RARB: variants seen among roughly 807,000 people sequenced by gnomAD.
RARB encodes the protein retinoic acid receptor beta.
A neutral mutation model predicts 51.9 loss-of-function variants in RARB; 17 were observed. The observed-to-expected ratio is 0.33, with a 90% CI of 0.22 to 0.49. The LOEUF is 0.49. RARB is among the 20% of genes least tolerant of loss of function. RARB has a pLI of 0.99. For missense variants in RARB, 369 were observed against 550.8 expected (o/e 0.67, Z 3.30); for synonymous variants, 215 against 195.4 (o/e 1.10, Z -0.84).
intron 5 of RARB, among the ~76,000 whole-genome samples, chr3:25,369,190 G>GA (rs1306209170): frequency 6.6e-6 from 1 of 152,134 alleles, no homozygotes; most frequent in African/African-American, 2.4e-5. Flanking sequence ...TTATAGTGTT[G>GA]AAAATGTTTT....
intron 5 of RARB, among the ~76,000 whole-genome samples, chr3:25,408,386 G>A (rs1707471374): frequency 6.6e-6 from 1 of 151,996 alleles, no homozygotes; most frequent in African/African-American, 2.4e-5. Flanking sequence ...TGGCCAAGCA[G>A]GAGAGAGAAA....
At chr3:24,837,311 T>A (rs7615376) in intron 1 of RARB, among the ~76,000 whole-genome samples, 3,424 of 152,310 alleles carry the variant, frequency 0.022, 130 homozygotes, top group African/African-American at 0.078. Flanking sequence ...AGTCTTGTCT[T>A]CTTTAAGATT....
At chr3:25,256,926 A>C (rs926369278) in intron 5 of RARB, among the ~76,000 whole-genome samples, 2 of 152,134 alleles carry the variant, frequency 1.3e-5, no homozygotes, top group African/African-American at 4.8e-5. Context: ...AACATCATCA[A>C]GAACTTGGAA....
rs562806078 is a variant in RARB at position 25,325,277 on chromosome 3, G to A, written c.179-135916G>A. On this transcript the variant is annotated intron_variant, in intron 5 of 11. Coordinates refer to the RARB transcript ENST00000383772. ...CATGCTAATACATTATAATTTGCGT[G>A]TAATGAGCAGTGACGACAACCAGAG... Among the ~76,000 whole-genome samples the A allele has an allele frequency of 7.2e-5, 11 of 152,262 alleles. No individual in the cohort carries two copies. The South Asian group carries it at 2.1e-3, about 29-fold the overall frequency.
chr3:25,289,252 C>T (rs773388340), intron 5 of RARB, among the ~76,000 whole-genome samples: 30 of 152,178 alleles, frequency 2.0e-4, no homozygotes, highest in Admixed American at 5.2e-4. Flanking sequence ...ACCTCCCTCA[C>T]GGGGATGCTG....
Position 25,041,907 on chromosome 3 carries a change from A to G in RARB, c.-379-18218A>G, listed in dbSNP as rs146157720. Among the ~76,000 whole-genome samples the G allele has an allele frequency of 4.2e-3, 642 of 152,294 alleles. 10 individuals carry two copies. The highest frequency in any genetic ancestry group is 0.032 in the South Asian group (153 of 4,830). On this transcript the variant is annotated intron_variant, in intron 2 of 11. Transcript: ENST00000383772. ...TAGCATCCATGGAACATGAGAATGTAAAATACTGAAAAGGAAGGACTGAAT... is the reference window on the plus strand; with the variant it reads ...TAGCATCCATGGAACATGAGAATGTGAAATACTGAAAAGGAAGGACTGAAT...
chr3:24,900,202 G>A (rs1326065891), intron 2 of RARB, among the ~76,000 whole-genome samples: 4 of 152,162 alleles, frequency 2.6e-5, no homozygotes, highest in Non-Finnish European at 5.9e-5. Flanking sequence ...TGTGGTAAAT[G>A]GAAAATGTCT....
intron 5 of RARB, among the ~76,000 whole-genome samples, chr3:25,420,088 C>CTG (rs371374306): frequency 6.6e-4 from 100 of 151,926 alleles, no homozygotes; most frequent in African/African-American, 2.3e-3. Context: ...TTCACATTAC[C>CTG]TGTGTGTGTG....
At chr3:24,891,415 G>A (rs919446961) in intron 2 of RARB, among the ~76,000 whole-genome samples, 4 of 152,028 alleles carry the variant, frequency 2.6e-5, no homozygotes, top group Admixed American at 6.6e-5. Flanking sequence ...CAACATCTCC[G>A]AAATGGGAAG....
At chr3:25,010,747 G>T (rs890747734) in intron 2 of RARB, among the ~76,000 whole-genome samples, 1 of 152,114 alleles carries the variant, frequency 6.6e-6, no homozygotes, top group Non-Finnish European at 1.5e-5. Context: ...AATCCTTCCA[G>T]CACTAACTCC....
At chr3:25,368,996 G>C (rs1706220150) in intron 5 of RARB, among the ~76,000 whole-genome samples, 1 of 152,144 alleles carries the variant, frequency 6.6e-6, no homozygotes, top group Non-Finnish European at 1.5e-5. Context: ...TCAAATACTA[G>C]TGGCATTTTC....
intron 5 of RARB, among the ~76,000 whole-genome samples, chr3:25,197,845 T>A (rs2125368285): frequency 6.6e-6 from 1 of 152,092 alleles, no homozygotes; most frequent in East Asian, 1.9e-4. Context: ...ACTGTTAAAA[T>A]CTTCATACTA....
intron 4 of RARB, among the ~76,000 whole-genome samples, chr3:25,133,101 T>C (rs1019810168): frequency 6.6e-6 from 1 of 151,954 alleles, no homozygotes; most frequent in African/African-American, 2.4e-5. Context: ...GTTGAACGAG[T>C]TCTTTTAGAT....
chr3:25,545,164 C>T (rs775760782), intron 3 of RARB, among the ~76,000 whole-genome samples: 6 of 152,054 alleles, frequency 3.9e-5, no homozygotes, highest in Non-Finnish European at 7.4e-5. Flanking sequence ...AGGCTGGTCT[C>T]GAACTTCTGA....
intron 2 of RARB, among the ~76,000 whole-genome samples, chr3:24,895,112 G>T (rs1224552709): frequency 2.6e-5 from 4 of 152,104 alleles, no homozygotes; most frequent in African/African-American, 9.7e-5. Flanking sequence ...ATTACCAGGT[G>T]ATATGCTAAG....
At chr3:25,583,130 A>AT (rs1207870805) in intron 5 of RARB, among the ~76,000 whole-genome samples, 1 of 152,192 alleles carries the variant, frequency 6.6e-6, no homozygotes, top group South Asian at 2.1e-4. Flanking sequence ...ACCTCCAATC[A>AT]TACCAGACAA....
intron 2 of RARB, among the ~76,000 whole-genome samples, chr3:25,023,407 C>G (rs10865802): frequency 0.37 from 56,820 of 151,964 alleles, 10,845 homozygotes; most frequent in African/African-American, 0.4. Flanking sequence ...GAGGTTAAGA[C>G]GAATGTTGGC....
intron 1 of RARB, among the ~76,000 whole-genome samples, chr3:24,830,666 T>G (rs182240536): frequency 0.017 from 2,452 of 142,178 alleles, 69 homozygotes; most frequent in African/African-American, 0.06. Flanking sequence ...GAGTGTGGGG[T>G]GTGTGTGTGT....
intron 2 of RARB, among the ~76,000 whole-genome samples, chr3:24,949,492 A>T (rs1223200450): frequency 6.6e-6 from 1 of 152,240 alleles, no homozygotes; most frequent in Non-Finnish European, 1.5e-5. Context: ...TAAGGTTTGT[A>T]ATGTGATTTC....
Sources: allele counts gnomAD v4.1 joint callset (sites outside exome capture counted in the v4.1 genomes callset), GRCh38; gene constraint gnomAD v4.1.1; transcripts MANE v1.5; gene names NCBI Gene and HGNC (gene_info 2026-07-23, HGNC 2026-07-21).